SERPINE2: variants seen among roughly 807,000 people sequenced by gnomAD.
SERPINE2 encodes serpin family E member 2.
SERPINE2 carries 14 observed loss-of-function variants against 36.3 expected under a neutral mutation model. The observed-to-expected ratio is 0.39, with a 90% CI of 0.25 to 0.60. The LOEUF is 0.60. SERPINE2 is among the 20% of genes least tolerant of loss of function. The pLI, the probability that SERPINE2 is intolerant of heterozygous loss-of-function variation, is 0.57. For synonymous variants in SERPINE2, 192 were observed against 191.8 expected, an observed-to-expected ratio of 1.00 and a Z score of -0.01; for missense variants, 418 against 499.6, an observed-to-expected ratio of 0.84 and a Z score of 1.56.
chr2:223,995,388 T>C (rs1438291858), intron 3 of SERPINE2, among the ~76,000 whole-genome samples: 1 of 152,186 alleles, frequency 6.6e-6, no homozygotes, highest in Admixed American at 6.5e-5. Context: ...GTAAAGGCAG[T>C]TTGGAATTTG....
In SERPINE2 at chr2:223,982,720, T is replaced by C; in HGVS notation, c.946A>G (p.Met316Val). The change falls in exon 6 of 9, where the codon ATG becomes GTG. Residue 316 changes from methionine to valine, a missense_variant. Transcript: ENST00000409304. ...EPLKVLGITDMFDSSKANFAK... is the reference protein window; with the variant it reads ...EPLKVLGITDVFDSSKANFAK... The stretch of plus-strand genomic sequence containing the variant: ...AAATTTGCCTTTGATGAATCAAACA[T>C]GTCAGTAATGCCAAGAACTTTCAGC... The C allele has an allele frequency of 1.2e-6, 2 of 1,613,964 alleles. No individual in the cohort carries two copies. The highest frequency in any genetic ancestry group is 1.7e-6 in the Non-Finnish European group (2 of 1,179,940).
At chr2:224,034,482 G>A (rs1692473321) in intron 1 of SERPINE2, among the ~76,000 whole-genome samples, 1 of 152,122 alleles carries the variant, frequency 6.6e-6, no homozygotes, top group Admixed American at 6.5e-5. Flanking sequence ...GCAAGGAGAT[G>A]GGAAGGGAGT....
At chr2:223,998,860 G>A (rs1033348105) in intron 2 of SERPINE2, among the ~76,000 whole-genome samples, 1 of 152,198 alleles carries the variant, frequency 6.6e-6, no homozygotes, top group African/African-American at 2.4e-5. Context: ...AATCAACTGT[G>A]CTTCTGCATC....
intron 1 of SERPINE2, among the ~76,000 whole-genome samples, chr2:224,012,901 A>C (rs556490490): frequency 6.6e-6 from 1 of 152,204 alleles, no homozygotes; most frequent in South Asian, 2.1e-4. Flanking sequence ...AATGGTATTT[A>C]CTGGAAAAGG....
chr2:224,014,293 A>G (rs781310450), intron 1 of SERPINE2, among the ~76,000 whole-genome samples: 14 of 152,104 alleles, frequency 9.2e-5, no homozygotes, highest in Non-Finnish European at 1.5e-4. Flanking sequence ...GGGAATCACT[A>G]GAACCGAGGA....
At chr2:223,980,076 C>G in intron 7 of SERPINE2, 1 of 423,824 alleles carries the variant, frequency 2.4e-6, no homozygotes, top group Non-Finnish European at 4.3e-6. Flanking sequence ...TTTGCTGACT[C>G]CTGTCCTAGA....
intron 8 of SERPINE2, among the ~76,000 whole-genome samples, chr2:223,976,609 A>G (rs1227319974): frequency 6.6e-6 from 1 of 152,274 alleles, no homozygotes; most frequent in African/African-American, 2.4e-5. Context: ...ATAAAATAGT[A>G]AAAGCTAAAA....
intron 1 of SERPINE2, among the ~76,000 whole-genome samples, chr2:224,028,574 C>T (rs756476436): frequency 2.6e-5 from 4 of 152,160 alleles, no homozygotes; most frequent in Non-Finnish European, 4.4e-5. Context: ...GACACAGACC[C>T]GGAGTCTATA....
At chr2:224,007,792 A>ACC (rs1691480675) in intron 1 of SERPINE2, among the ~76,000 whole-genome samples, 1 of 152,060 alleles carries the variant, frequency 6.6e-6, no homozygotes, top group African/African-American at 2.4e-5. Context: ...TGTTGAAAAA[A>ACC]ACAGGTTATT....
intron 6 of SERPINE2, chr2:223,981,362 C>T (rs1180172882): frequency 6.6e-6 from 1 of 152,202 alleles, no homozygotes; most frequent in Non-Finnish European, 1.5e-5. Context: ...GAAAATGGTG[C>T]TTCTCAGTCT....
chr2:223,990,323 T>C (rs1003431460), intron 4 of SERPINE2, among the ~76,000 whole-genome samples: 1 of 152,194 alleles, frequency 6.6e-6, no homozygotes, highest in Non-Finnish European at 1.5e-5. Context: ...TTGTGCATTA[T>C]TTTCTATAAA....
At chr2:223,984,727 T>C in intron 5 of SERPINE2, 25 bp downstream of exon 5, 1 of 1,606,048 alleles carries the variant, frequency 6.2e-7, no homozygotes, top group Non-Finnish European at 8.5e-7. Context: ...GCCACTGTTT[T>C]CTTTGAGGGG....
chr2:224,023,208 C>T (rs992868456), intron 1 of SERPINE2, among the ~76,000 whole-genome samples: 2 of 152,320 alleles, frequency 1.3e-5, no homozygotes, highest in African/African-American at 4.8e-5. Context: ...AGAGGACCCT[C>T]TTGTTATTTA....
chr2:223,994,870 T>C lies in SERPINE2; in HGVS notation c.488-2870A>G, dbSNP rs559924455. Among the ~76,000 whole-genome samples, 6 of 152,356 alleles carry C rather than the reference T, an allele frequency of 3.9e-5. No individual in the cohort carries two copies. The South Asian group carries it at 1.2e-3, about 32-fold the overall frequency. The stretch of plus-strand genomic sequence containing the variant: ...GAATTATTTGAATAGGTATCACTAT[T>C]ACATCTCTCCATTTTACAGACGAGA... On this transcript the variant is annotated intron_variant, in intron 3 of 8. Coordinates refer to ENST00000409304, the MANE Select transcript of SERPINE2 (RefSeq NM_001136528.2).
At position 224,032,803 on chromosome 2, in the gene SERPINE2, A is replaced by G. The variant is rs113935359; in HGVS notation, c.-23+6296T>C. On this transcript the variant is annotated intron_variant, in intron 1 of 8. Coordinates refer to ENST00000409304, the MANE Select transcript of SERPINE2 (RefSeq NM_001136528.2). ...GAGGAATCCTAGGACATGTTTGCCA[A>G]AACATACGAGTGGAATTACAAATAG... 4.5e-3 allele frequency among the ~76,000 whole-genome samples: 688 copies of G among 152,326 alleles called. 11 individuals carry two copies. The highest frequency in any genetic ancestry group is 0.016 in the African/African-American group (667 of 41,556).
intron 2 of SERPINE2, 46 bp downstream of exon 2, chr2:224,001,596 G>A: frequency 6.3e-7 from 1 of 1,577,528 alleles, no homozygotes; most frequent in Admixed American, 1.7e-5. Flanking sequence ...CCTGTCACAA[G>A]ACTCTCAGGC....
At chr2:224,001,578 TA>T in intron 2 of SERPINE2, 63 bp downstream of exon 2, 1 of 1,552,278 alleles carries the variant, frequency 6.4e-7, no homozygotes, top group Non-Finnish European at 8.7e-7. Flanking sequence ...AACCAAGCCA[TA>T]AACCCTCCTG....
At chr2:224,002,123 T>C (rs1691202020) in intron 1 of SERPINE2, among the ~76,000 whole-genome samples, 1 of 151,874 alleles carries the variant, frequency 6.6e-6, no homozygotes, top group Non-Finnish European at 1.5e-5. Flanking sequence ...ATTACAGGCG[T>C]GTACCACCAT....
intron 8 of SERPINE2, 117 bp downstream of exon 8, chr2:223,977,427 C>T: frequency 1.4e-6 from 1 of 715,660 alleles, no homozygotes; most frequent in Non-Finnish European, 2.6e-6. Context: ...AAAGTGTCTG[C>T]AACTATTGAC....
Sources: allele counts gnomAD v4.1 joint callset (sites outside exome capture counted in the v4.1 genomes callset), GRCh38; gene constraint gnomAD v4.1.1; transcripts MANE v1.5; gene names NCBI Gene and HGNC (gene_info 2026-07-23, HGNC 2026-07-21).